The following TEX11 variants were observed in gnomAD, a reference collection of about 807,000 sequenced individuals.
The protein encoded by TEX11 is testis-expressed protein 11.
Under a neutral mutation model 84.4 loss-of-function variants are expected in TEX11, and 7 were observed. That is an observed-to-expected ratio of 0.08 (90% confidence interval 0.05 to 0.16). The LOEUF (loss-of-function observed/expected upper bound fraction) is 0.16. TEX11 is among the 10% of genes least tolerant of loss of function. TEX11 has a pLI of 1.00. For missense variants in TEX11, 551 were observed against 660.5 expected, an observed-to-expected ratio of 0.83 and a Z score of 1.82; for synonymous variants, 264 against 222.8, an observed-to-expected ratio of 1.18 and a Z score of -1.64.
At chrX:70,821,685 A>G (rs1165310566) in intron 8 of TEX11, among the ~76,000 whole-genome samples, 2 of 111,887 alleles carry the variant, frequency 1.8e-5, no homozygotes, top group Non-Finnish European at 1.9e-5. Flanking sequence ...GAACTAATAC[A>G]CTAATCATCA....
intron 5 of TEX11, among the ~76,000 whole-genome samples, chrX:70,857,829 GAT>G (rs781774824): frequency 9.0e-6 from 1 of 111,166 alleles, no homozygotes; most frequent in East Asian, 2.8e-4. Flanking sequence ...TCAACAAGTG[GAT>G]AAAAAAACTG....
At chrX:70,827,627 C>T (rs1229839996) in intron 8 of TEX11, among the ~76,000 whole-genome samples, 1 of 111,395 alleles carries the variant, frequency 9.0e-6, no homozygotes, top group African/African-American at 3.3e-5. Flanking sequence ...CTGATGGTGG[C>T]GGCCACAGGG....
intron 20 of TEX11, among the ~76,000 whole-genome samples, chrX:70,618,247 A>G (rs2089341765): frequency 9.0e-6 from 1 of 111,326 alleles, no homozygotes; most frequent in Non-Finnish European, 1.9e-5. Flanking sequence ...GTATGACTCT[A>G]TGGAAAATCA....
chrX:70,740,381 T>C (rs916939287), intron 11 of TEX11, among the ~76,000 whole-genome samples: 3 of 110,745 alleles, frequency 2.7e-5, no homozygotes, highest in Non-Finnish European at 5.7e-5. Flanking sequence ...AGGGCAGTAA[T>C]ACCATTCAAG....
intron 21 of TEX11, 58 bp from the exon 22 acceptor site, chrX:70,609,235 G>T: frequency 9.7e-7 from 1 of 1,028,038 alleles, no homozygotes; most frequent in Non-Finnish European, 1.3e-6. Context: ...TAGCAAAATT[G>T]TTTAATCCTG....
chrX:70,530,210 C>T (rs16989216), intron 28 of TEX11, among the ~76,000 whole-genome samples: 6,582 of 111,193 alleles, frequency 0.059, 319 homozygotes, highest in African/African-American at 0.16. Context: ...CATGAAGAGA[C>T]GTAAACCGAG....
intron 11 of TEX11, among the ~76,000 whole-genome samples, chrX:70,733,730 G>C (rs1432709317): frequency 8.9e-6 from 1 of 111,753 alleles, no homozygotes; most frequent in Non-Finnish European, 1.9e-5. Flanking sequence ...TTCAACCATT[G>C]TGGAAGTCAG....
chrX:70,636,930 C>T (rs2089582730), intron 17 of TEX11, among the ~76,000 whole-genome samples: 1 of 112,068 alleles, frequency 8.9e-6, no homozygotes, highest in Non-Finnish European at 1.9e-5. Context: ...TAAAGAGCTG[C>T]TGCACAGCAG....
intron 2 of TEX11, among the ~76,000 whole-genome samples, chrX:70,897,207 TA>T (rs1569462999): frequency 3.0e-5 from 2 of 65,767 alleles, no homozygotes; most frequent in African/African-American, 9.7e-5. Context: ...ATATATTATA[TA>T]TATATAACAT....
At chrX:70,526,567 T>TAA (rs528016287), downstream of TEX11, among the ~76,000 whole-genome samples, 3 of 80,819 alleles carry the variant, frequency 3.7e-5, no homozygotes, top group East Asian at 3.7e-4. Flanking sequence ...AGACTCCGTC[T>TAA]AAAAAAAAAA....
chrX:70,715,868 T>C (rs1412921158), intron 13 of TEX11, among the ~76,000 whole-genome samples: 1 of 111,101 alleles, frequency 9.0e-6, no homozygotes, highest in Admixed American at 9.6e-5. Flanking sequence ...AGAGGTGCTC[T>C]GATTTTTAGA....
rs1430706359 is a variant in TEX11 at position 70,706,009 on chromosome X, A to G, written c.1004+16609T>C. On this transcript the variant is annotated intron_variant, in intron 13 of 29. Transcript: ENST00000374333. The stretch of plus-strand genomic sequence containing the variant: ...TGCTGCTATAAAGACACATGCACAC[A>G]TATGTTTATTGCGGCACTATTCACA... 8.1e-5 allele frequency among the ~76,000 whole-genome samples: 9 copies of G among 111,147 alleles called. No individual in the cohort carries two copies. In the East Asian group the frequency reaches 1.4e-3, roughly 17 times the overall value.
intron 20 of TEX11, among the ~76,000 whole-genome samples, chrX:70,619,663 T>G (rs1388761248): frequency 1.8e-5 from 2 of 111,990 alleles, no homozygotes; most frequent in Admixed American, 1.9e-4. Context: ...AGCCATATAT[T>G]GTGGAGACCA....
At chrX:70,534,547 C>T (rs1294849378) in intron 28 of TEX11, among the ~76,000 whole-genome samples, 1 of 111,995 alleles carries the variant, frequency 8.9e-6, no homozygotes, top group Non-Finnish European at 1.9e-5. Flanking sequence ...CATGGACTTG[C>T]CTACGTGTAA....
chrX:70,860,975 T>G, intron 4 of TEX11, 39 bp from the exon 5 acceptor site: 3 of 896,301 alleles, frequency 3.3e-6, no homozygotes, highest in Non-Finnish European at 4.7e-6. Flanking sequence ...ACACAAAACA[T>G]TCATTCTCCT....
intron 9 of TEX11, among the ~76,000 whole-genome samples, chrX:70,804,446 T>C (rs1373761165): frequency 8.9e-6 from 1 of 112,035 alleles, no homozygotes; most frequent in Non-Finnish European, 1.9e-5. Context: ...ATAATTCCTT[T>C]TAAAACATTT....
chrX:70,900,085 C>T (rs1253168990), intron 2 of TEX11, among the ~76,000 whole-genome samples: 1 of 106,433 alleles, frequency 9.4e-6, no homozygotes, highest in African/African-American at 3.4e-5. Context: ...GCACGAGAAT[C>T]ACTTAAACTT....
At chrX:70,767,540 A>G (rs2090948259) in intron 9 of TEX11, among the ~76,000 whole-genome samples, 1 of 111,933 alleles carries the variant, frequency 8.9e-6, no homozygotes, top group Non-Finnish European at 1.9e-5. Flanking sequence ...GTAAATTAGT[A>G]CAACCACTAT....
chrX:70,764,755 C>T (rs1025314192), intron 9 of TEX11, among the ~76,000 whole-genome samples: 2 of 111,184 alleles, frequency 1.8e-5, no homozygotes, highest in African/African-American at 6.5e-5. Context: ...AAGCAAACAA[C>T]CTACCAAGTT....
Sources: allele counts gnomAD v4.1 joint callset (sites outside exome capture counted in the v4.1 genomes callset), GRCh38; gene constraint gnomAD v4.1.1; transcripts MANE v1.5; gene names NCBI Gene and HGNC (gene_info 2026-07-23, HGNC 2026-07-21).